The following INTS9 variants were observed in gnomAD, a reference collection of about 807,000 sequenced individuals.
INTS9 encodes the protein protein related to CPSF subunits of 74 kDa.
In INTS9, 55 loss-of-function variants were observed where a neutral mutation model predicts 79.7. That is an observed-to-expected ratio of 0.69 (90% confidence interval 0.56 to 0.86). INTS9 has a LOEUF of 0.86. INTS9 is among the 40% of genes least tolerant of loss of function. The pLI is 0.00. For synonymous variants in INTS9, 319 were observed against 325.2 expected, an observed-to-expected ratio of 0.98 and a Z score of 0.20; for missense variants, 721 against 831.5, an observed-to-expected ratio of 0.87 and a Z score of 1.64.
rs114108154 is a variant in INTS9, at chr8:28,862,054, G to A, written c.10-2491C>T. 858 of 985,128 alleles carry A rather than the reference G, an allele frequency of 8.7e-4. 6 individuals are homozygous for A. The African/African-American group carries it at 0.014, about 16-fold the overall frequency. 61.0% of individuals were successfully genotyped at this position (985,128 alleles called of 1,614,324 possible). On this transcript the variant is annotated intron_variant, in intron 1 of 16. Transcript: ENST00000521022. ...GCACTGCTCACCGTGGGTCAACTGA[G>A]TGCACGGGAGCACAGAGTGGCTGCC...
In INTS9 at chr8:28,778,023, G is replaced by A. The variant is rs535697202; in HGVS notation, c.1271-70C>T. On this transcript the variant is annotated intron_variant, in intron 12 of 16. Transcript: ENST00000521022. ...GGAGCTGCCAAGCCAGACAGCAACTGGGGCGCTGAGGGCCCACAGACAGTC... is the reference window on the plus strand; with the variant it reads ...GGAGCTGCCAAGCCAGACAGCAACTAGGGCGCTGAGGGCCCACAGACAGTC... 2.0e-6 allele frequency: 3 copies of A among 1,474,248 alleles called. No individual in the cohort carries two copies. The South Asian group carries it at 4.0e-5, about 20-fold the overall frequency. 91.3% of individuals were successfully genotyped at this position (1,474,248 alleles called of 1,614,324 possible). A position where few individuals can be genotyped will look rare whatever the true frequency, so the allele number is the denominator to read the frequency against.
At chr8:28,882,406 T>C (rs1329045773) in intron 1 of INTS9, among the ~76,000 whole-genome samples, 1 of 139,878 alleles carries the variant, frequency 7.1e-6, no homozygotes, top group Non-Finnish European at 1.6e-5. Context: ...TCCACTATTG[T>C]CCTATGACCC....
intron 1 of INTS9, among the ~76,000 whole-genome samples, chr8:28,876,130 C>A (rs1388428304): frequency 6.6e-6 from 1 of 151,986 alleles, no homozygotes; most frequent in Non-Finnish European, 1.5e-5. Flanking sequence ...GTTTACATTT[C>A]TTGGGTTTAT....
chr8:28,773,770 C>T (rs887866500), intron 14 of INTS9, among the ~76,000 whole-genome samples: 11 of 151,910 alleles, frequency 7.2e-5, no homozygotes, highest in African/African-American at 2.2e-4. Flanking sequence ...GATTCACCCC[C>T]GCCTCAGCCT....
intron 2 of INTS9, among the ~76,000 whole-genome samples, chr8:28,851,748 G>A (rs563111404): frequency 1.6e-4 from 25 of 152,156 alleles, no homozygotes; most frequent in Non-Finnish European, 3.2e-4. Flanking sequence ...GGGGTGGGGG[G>A]TAAGTTTTAA....
chr8:28,768,048 GAC>G lies in INTS9; in HGVS notation c.*96_*97del, dbSNP rs1285032304. On this transcript the variant is annotated 3_prime_UTR_variant, in exon 17 of 17. Coordinates refer to ENST00000521022, the MANE Select transcript of INTS9 (RefSeq NM_018250.4). ...TCCTTAAGCCAGAGGACACCACAAA[GAC>G]ACAGTTAATGGCCTCTCATGCCACT... The G allele has an allele frequency of 2.7e-6, 3 of 1,111,116 alleles. No individual in the cohort carries two copies. Among genetic ancestry groups the G allele is most frequent in the African/African-American group, 3.1e-5 (2 of 65,340 alleles). 68.8% of individuals were successfully genotyped at this position (1,111,116 alleles called of 1,614,324 possible).
At chr8:28,876,001 C>T (rs115029056) in intron 1 of INTS9, among the ~76,000 whole-genome samples, 1,973 of 152,256 alleles carry the variant, frequency 0.013, 40 homozygotes, top group African/African-American at 0.045. Context: ...TAGCTTCAAT[C>T]GAAAACCATT....
rs781266596 is a variant in INTS9 at position 28,837,689 on chromosome 8, T to C, written c.349A>G (p.Thr117Ala). The change falls in exon 5 of 17, where the codon ACC becomes GCC. Residue 117 changes from threonine (T) to alanine (A), a missense_variant. By Grantham distance (58) the Thr-to-Ala change is moderately conservative (BLOSUM62 0). Around this residue, in one of 3 missense-constraint regions of INTS9, gnomAD observed 291 missense variants for 307.0 expected, o/e 0.95. Coordinates refer to ENST00000521022, the MANE Select transcript of INTS9 (RefSeq NM_018250.4). ...MMALPYITEH[T>A]GFTGTVYATE... ...GCATACACTGTGCCTGTGAAGCCGG[T>C]GTGCTCGGTGATGTATGGCAGCGCC... is the stretch of plus-strand genomic sequence containing the variant. 1.2e-6 allele frequency: 2 copies of C among 1,613,738 alleles called. No individual in the cohort carries two copies. The highest frequency in any genetic ancestry group is 1.7e-6 in the Non-Finnish European group (2 of 1,179,990).
intron 16 of INTS9, 176 bp from the exon 17 acceptor site, chr8:28,768,498 T>TAAAC (rs1802338938): frequency 3.2e-6 from 2 of 633,810 alleles, no homozygotes; most frequent in African/African-American, 3.7e-5. Flanking sequence ...AAAGAGACCC[T>TAAAC]AAACATGCAA....
chr8:28,856,574 C>T (rs1016875616), intron 2 of INTS9, among the ~76,000 whole-genome samples: 3 of 152,158 alleles, frequency 2.0e-5, no homozygotes, highest in African/African-American at 7.2e-5. Context: ...AGGCACACAC[C>T]ACCATGCCTA....
At chr8:28,797,424 C>T (rs1004799223) in intron 8 of INTS9, among the ~76,000 whole-genome samples, 3 of 152,156 alleles carry the variant, frequency 2.0e-5, no homozygotes, top group African/African-American at 7.2e-5. Context: ...CAGCTCTGAG[C>T]TGGATTTCCT....
intron 4 of INTS9, among the ~76,000 whole-genome samples, chr8:28,839,477 C>T (rs556333210): frequency 1.3e-3 from 196 of 152,074 alleles, no homozygotes; most frequent in African/African-American, 3.4e-3. Flanking sequence ...GAGCCCGCAT[C>T]GCCAAGTCAA....
chr8:28,797,917 G>A lies in INTS9; in HGVS notation c.745-1262C>T, dbSNP rs375760631. Among the ~76,000 whole-genome samples, 2 of 152,340 alleles carry A rather than the reference G, an allele frequency of 1.3e-5. 1 individual carries two copies. Among genetic ancestry groups the A allele is most frequent in the East Asian group, 3.9e-4 (2 of 5,188 alleles). On this transcript the variant is annotated intron_variant, in intron 8 of 16. Transcript: ENST00000521022. ...TCTGCATTGTGGTCTCCGAGTAGCT[G>A]TGCCTTCAGTATTTTCCTTTCACCT...
rs147771933 is a variant in INTS9 at position 28,878,329 on chromosome 8, T to C, written c.9+11545A>G. Among the ~76,000 whole-genome samples, 456 of 152,192 alleles carry C rather than the reference T, an allele frequency of 3.0e-3. 1 individual carries two copies. Among genetic ancestry groups the C allele is most frequent in the African/African-American group, 0.01 (421 of 41,520 alleles). On this transcript the variant is annotated intron_variant, in intron 1 of 16. Transcript: ENST00000521022. The stretch of plus-strand genomic sequence containing the variant: ...GGAATCATTTAACTGTTTTTGTTTT[T>C]TGAAATACGGTCTCACTCTGTTGCT...
Position 28,846,756 on chromosome 8 carries a change from A to G in INTS9, c.252T>C (p.Cys84=), listed in dbSNP as rs760009907. 6.2e-7 allele frequency: 1 copy of G among 1,612,446 alleles called. No homozygotes were observed. Among genetic ancestry groups the G allele is most frequent in the Admixed American group, 1.7e-5 (1 of 60,014 alleles). The change falls in exon 4 of 17, where the codon TGT becomes TGC. Residue 84 remains cysteine, a synonymous_variant. Coordinates refer to ENST00000521022, the MANE Select transcript of INTS9 (RefSeq NM_018250.4). ...TTCACCTTAATCTTACCTCTGGTAAACAGAATTCCGGCACAGAATCCACAA... is the reference window on the plus strand; with the variant it reads ...TTCACCTTAATCTTACCTCTGGTAAGCAGAATTCCGGCACAGAATCCACAA... ...HVFVDSVPEF[C]LPETELIDLS...
intron 6 of INTS9, among the ~76,000 whole-genome samples, chr8:28,829,318 C>T (rs917732701): frequency 1.3e-5 from 2 of 152,152 alleles, no homozygotes; most frequent in South Asian, 4.1e-4. Context: ...CCTTTTCCTT[C>T]CCTTCAAAAT....
At chr8:28,853,779 T>G (rs950630797) in intron 2 of INTS9, among the ~76,000 whole-genome samples, 11 of 152,128 alleles carry the variant, frequency 7.2e-5, no homozygotes, top group Middle Eastern at 3.2e-3. Flanking sequence ...TCTTTTTTTT[T>G]TTGTTTTGTT....
chr8:28,818,636 G>A (rs1338437459), intron 6 of INTS9, among the ~76,000 whole-genome samples: 6 of 149,878 alleles, frequency 4.0e-5, no homozygotes, highest in South Asian at 2.1e-4. Context: ...GTCTCTGCCC[G>A]GCTTTGGTAT....
intron 9 of INTS9, among the ~76,000 whole-genome samples, chr8:28,794,751 C>T (rs185542684): frequency 6.6e-6 from 1 of 152,294 alleles, no homozygotes; most frequent in East Asian, 1.9e-4. Context: ...TGCAACTTTT[C>T]TTCTGGAAGT....
Sources: gnomAD v4.1 joint callset for allele counts (sites outside exome capture counted in the v4.1 genomes callset) on GRCh38, gnomAD v4.1.1 for gene constraint, gnomAD v4.1.1 regional missense constraint, MANE v1.5 for transcripts, NCBI Gene and HGNC (gene_info 2026-07-23, HGNC 2026-07-21) for gene names.